PYROXD1: variants seen among roughly 807,000 people sequenced by gnomAD.
PYROXD1 encodes the protein pyridine nucleotide-disulphide oxidoreductase domain 1.
Under a neutral mutation model 62.0 loss-of-function variants are expected in PYROXD1, and 42 were observed. That is an observed-to-expected ratio of 0.68 (90% confidence interval 0.53 to 0.88). PYROXD1 has a LOEUF of 0.88. Ranked by LOEUF, PYROXD1 falls within the 40% of genes least tolerant of loss-of-function variation. PYROXD1 has a pLI of 0.00. For missense variants in PYROXD1, 493 were observed against 604.8 expected (o/e 0.82, Z 1.94); for synonymous variants, 170 against 206.4 (o/e 0.82, Z 1.51).
chr12:21,459,262 A>G (rs1220292839), intron 7 of PYROXD1, among the ~76,000 whole-genome samples: 2 of 152,166 alleles, frequency 1.3e-5, no homozygotes, highest in African/African-American at 4.8e-5. Flanking sequence ...TTAATCAGTC[A>G]CCTACATAAC....
intron 3 of PYROXD1, chr12:21,448,214 C>T: frequency 1.7e-6 from 1 of 572,132 alleles, no homozygotes; most frequent in Non-Finnish European, 3.3e-6. Context: ...TTTTCTCTTC[C>T]CCATCCATTT....
At chr12:21,466,653 T>G (rs1461303622) in intron 10 of PYROXD1, among the ~76,000 whole-genome samples, 1 of 152,194 alleles carries the variant, frequency 6.6e-6, no homozygotes, top group Non-Finnish European at 1.5e-5. Context: ...ATGCCCTTTA[T>G]TCCCTTCTCC....
At chr12:21,441,386 T>C (rs1041007111) in intron 2 of PYROXD1, 4 of 152,168 alleles carry the variant, frequency 2.6e-5, no homozygotes, top group African/African-American at 9.6e-5. Context: ...TCTTGTCTCC[T>C]TCTATAACGC....
Position 21,470,557 on chromosome 12 carries a change from C to T in PYROXD1, c.*1803C>T. The T allele has an allele frequency of 1.5e-6, 1 of 657,344 alleles. No individual in the cohort carries two copies. Among genetic ancestry groups the T allele is most frequent in the Non-Finnish European group, 2.3e-6 (1 of 437,378 alleles). The allele number at this position is 657,344 out of a possible 1,614,324, so 40.7% of individuals were successfully genotyped here. A position where few individuals can be genotyped will look rare whatever the true frequency, so the allele number is the denominator to read the frequency against. On this transcript the variant is annotated 3_prime_UTR_variant, in exon 12 of 12. Transcript: ENST00000240651. Reference sequence around the variant, plus strand: ...ACGTTGTGAGAGAAGTTCTAAAGACCTCAAATGTCCTTAGACACAATGGCA... The same window carrying T: ...ACGTTGTGAGAGAAGTTCTAAAGACTTCAAATGTCCTTAGACACAATGGCA...
chr12:21,449,477 C>A (rs188819464), intron 3 of PYROXD1, 86 bp from the exon 4 acceptor site: 9 of 1,344,692 alleles, frequency 6.7e-6, no homozygotes, highest in East Asian at 2.5e-5. Flanking sequence ...TTTGCTTTTG[C>A]CTTATTGAAT....
intron 2 of PYROXD1, 115 bp downstream of exon 2, chr12:21,440,563 T>C: frequency 1.6e-6 from 1 of 607,960 alleles, no homozygotes; most frequent in Non-Finnish European, 2.9e-6. Context: ...AGTACAGTTA[T>C]ATGCTGTACA....
At position 21,462,786 on chromosome 12, in the gene PYROXD1, A is replaced by T. The variant is rs142346936; in HGVS notation, c.1040A>T (p.His347Leu). The change falls in exon 10 of 12, where the codon CAC (histidine) becomes CTC (leucine). Residue 347 changes from histidine to leucine, a missense_variant. Physicochemically the swap from His to Leu is moderately conservative, Grantham distance 99. Transcript: ENST00000240651. ...DGGLKVDDHM[H>L]TSLPDIYAAG... is the part of the protein sequence containing the mutation. Reference sequence around the variant, plus strand: ...GGCCTGAAAGTGGATGATCATATGCACACATCCCTTCCTGATATCTATGCT... The same window carrying T: ...GGCCTGAAAGTGGATGATCATATGCTCACATCCCTTCCTGATATCTATGCT... 1.7e-5 allele frequency: 28 copies of T among 1,613,804 alleles called. No homozygotes were observed. Among genetic ancestry groups the T allele is most frequent in the Non-Finnish European group, 2.4e-5 (28 of 1,179,838 alleles).
chr12:21,467,452 C>T (rs762365937), intron 10 of PYROXD1, 29 bp from the exon 11 acceptor site: 1 of 1,566,750 alleles, frequency 6.4e-7, no homozygotes, highest in Non-Finnish European at 8.6e-7. Flanking sequence ...TGAAAAATGA[C>T]ATTGTGTAAC....
In PYROXD1 at chr12:21,462,782, A is replaced by T. The variant is rs368508220; in HGVS notation, c.1036A>T (p.Met346Leu). The T allele has an allele frequency of 1.2e-6, 2 of 1,614,066 alleles. No homozygotes were observed. The highest frequency in any genetic ancestry group is 2.2e-5 in the South Asian group (2 of 91,084). The change falls in exon 10 of 12, where the codon ATG (methionine) becomes TTG (leucine). Residue 346 changes from methionine (M) to leucine (L), a missense_variant. Met to Leu is a conservative substitution (Grantham distance 15, BLOSUM62 2). Around this residue, in one of 2 missense-constraint regions of PYROXD1, gnomAD observed 329 missense variants for 446.6 expected, o/e 0.74. Transcript: ENST00000240651. ...EDGGLKVDDH[M>L]HTSLPDIYAA... The stretch of plus-strand genomic sequence containing the variant: ...TGGTGGCCTGAAAGTGGATGATCAT[A>T]TGCACACATCCCTTCCTGATATCTA...
chr12:21,448,160 C>A, intron 3 of PYROXD1: 1 of 674,736 alleles, frequency 1.5e-6, no homozygotes. Flanking sequence ...CAGATGATAT[C>A]AATTTCACAT....
At chr12:21,447,436 G>C (rs1247982666) in intron 3 of PYROXD1, 1 of 152,342 alleles carries the variant, frequency 6.6e-6, no homozygotes, top group Non-Finnish European at 1.5e-5. Context: ...GATTGTCAGG[G>C]AATTTATGTG....
chr12:21,462,086 C>T lies in PYROXD1; in HGVS notation c.959C>T (p.Thr320Ile), dbSNP rs763009404. The change falls in exon 9 of 12, where the codon ACA (threonine) becomes ATA (isoleucine). Residue 320 changes from threonine to isoleucine, a missense_variant. Physicochemically the swap from Thr to Ile is moderately conservative, Grantham distance 89 (BLOSUM62 -1). Coordinates refer to ENST00000240651, the MANE Select transcript of PYROXD1 (RefSeq NM_024854.5). ...CDFIVSATGV[T>I]PNVEPFLHGN... ...TTCATTGTCAGTGCTACAGGAGTTA[C>T]ACCAAATGTAGAACCTTTTCTCCAT... 3.7e-6 allele frequency: 6 copies of T among 1,612,110 alleles called. No homozygotes were observed. In the Admixed American group the frequency reaches 5.0e-5, roughly 13 times the overall value.
At chr12:21,459,874 G>T (rs1222266778) in intron 7 of PYROXD1, among the ~76,000 whole-genome samples, 1 of 152,150 alleles carries the variant, frequency 6.6e-6, no homozygotes, top group Non-Finnish European at 1.5e-5. Context: ...AGACTACAGT[G>T]AATACTCCTG....
rs1222253417 is a variant in PYROXD1 at position 21,466,261 on chromosome 12, A to G, written c.1117-1220A>G. On this transcript the variant is annotated intron_variant, in intron 10 of 11. Transcript: ENST00000240651. ...GAATCTATAAATTACCTTGGGCAGT[A>G]TGGCCATTTTCACGATATTGATTCT... 4.7e-4 allele frequency among the ~76,000 whole-genome samples: 71 copies of G among 150,052 alleles called. 2 individuals carry two copies. Among genetic ancestry groups the G allele is most frequent in the Non-Finnish European group, 1.5e-5 (1 of 67,488 alleles).
intron 10 of PYROXD1, among the ~76,000 whole-genome samples, chr12:21,465,303 C>T (rs1942771956): frequency 6.6e-6 from 1 of 152,144 alleles, no homozygotes; most frequent in Admixed American, 6.5e-5. Context: ...AAAAGTGTTC[C>T]TATTTCTCCA....
Position 21,470,471 on chromosome 12 carries a change from T to G in PYROXD1, c.*1717T>G. 4.7e-6 allele frequency: 5 copies of G among 1,052,952 alleles called. No homozygotes were observed. Among genetic ancestry groups the G allele is most frequent in the Non-Finnish European group, 6.5e-6 (5 of 764,332 alleles). 65.2% of individuals were successfully genotyped at this position (1,052,952 alleles called of 1,614,324 possible). A position where few individuals can be genotyped will look rare whatever the true frequency, so the allele number is the denominator to read the frequency against. On this transcript the variant is annotated 3_prime_UTR_variant, in exon 12 of 12. Coordinates refer to ENST00000240651, the MANE Select transcript of PYROXD1 (RefSeq NM_024854.5). Reference sequence around the variant, plus strand: ...AGTTGGCTTTTTAAGTATACAGGGGTCTAGTTTTTTATCTACAAATTTCTA... The same window carrying G: ...AGTTGGCTTTTTAAGTATACAGGGGGCTAGTTTTTTATCTACAAATTTCTA...
chr12:21,460,398 T>G (rs891901794), intron 7 of PYROXD1, among the ~76,000 whole-genome samples: 2 of 148,758 alleles, frequency 1.3e-5, no homozygotes, highest in African/African-American at 4.9e-5. Context: ...TTTTAAATTT[T>G]TATTTATTTA....
chr12:21,460,420 AT>A lies in PYROXD1; in HGVS notation c.751-601del, dbSNP rs1396224174. 6.2e-4 allele frequency among the ~76,000 whole-genome samples: 79 copies of A among 126,468 alleles called. 1 individual carries two copies. The highest frequency in any genetic ancestry group is 2.0e-3 in the African/African-American group (66 of 33,404). The allele number at this position is 126,468 out of a possible 152,430, so 83.0% of individuals were successfully genotyped here. On this transcript the variant is annotated intron_variant, in intron 7 of 11. Transcript: ENST00000240651. ...TTTTTATTTATTTATTTATTTATTT[AT>A]TTTATTTATTTATTTTTTTTGAGAC...
At chr12:21,462,713 T>C (rs1942721215) in intron 9 of PYROXD1, 27 bp from the exon 10 acceptor site, 1 of 1,610,958 alleles carries the variant, frequency 6.2e-7, no homozygotes, top group South Asian at 1.1e-5. Context: ...TTCTTAACAC[T>C]TAACGCTTAT....
Sources: gnomAD v4.1 joint callset for allele counts (sites outside exome capture counted in the v4.1 genomes callset) on GRCh38, gnomAD v4.1.1 for gene constraint, gnomAD v4.1.1 regional missense constraint, MANE v1.5 for transcripts, NCBI Gene and HGNC (gene_info 2026-07-23, HGNC 2026-07-21) for gene names.